REPS2: variants seen among roughly 807,000 people sequenced by gnomAD.
REPS2 encodes RALBP1 associated Eps domain containing 2.
A neutral mutation model predicts 53.6 loss-of-function variants in REPS2; 23 were observed. That is an observed-to-expected ratio of 0.43 (90% CI 0.31 to 0.61). The LOEUF (loss-of-function observed/expected upper bound fraction) is 0.61, where lower values mean the gene tolerates loss of function less well. Among genes scored for constraint, REPS2 ranks in the 20% least tolerant of loss-of-function variants. The pLI, the probability that REPS2 is intolerant of heterozygous loss-of-function variation, is 0.11. For synonymous variants in REPS2, 238 were observed against 218.6 expected, an observed-to-expected ratio of 1.09 and a Z score of -0.78; for missense variants, 446 against 534.9, an observed-to-expected ratio of 0.83 and a Z score of 1.64.
intron 1 of REPS2, among the ~76,000 whole-genome samples, chrX:16,949,730 ATTTT>A (rs368437089): frequency 9.6e-6 from 1 of 104,442 alleles, no homozygotes; most frequent in African/African-American, 3.5e-5. Context: ...TTAATAGACT[ATTTT>A]TTTTTTTCAG....
At chrX:17,063,962 G>A (rs867176524) in intron 9 of REPS2, among the ~76,000 whole-genome samples, 11 of 108,101 alleles carry the variant, frequency 1.0e-4, no homozygotes, top group Middle Eastern at 4.9e-3. Flanking sequence ...AGTCTCTCTC[G>A]CTTGCTCTTT....
chrX:17,168,074 T>C, the REPS2 span, among the ~76,000 whole-genome samples: 5 of 112,047 alleles, frequency 4.5e-5, no homozygotes, highest in Non-Finnish European at 7.5e-5. Context: ...CCAGGCAAAC[T>C]TGGAGTCATG....
chrX:17,027,659 GTTTTTTTTTTTTTT>G lies in REPS2; in HGVS notation c.674-1857_674-1844del, dbSNP rs761592588. ...AACTTCAGAGTGATGAAATCTTTAG[GTTTTTTTTTTTTTT>G]TTTTTTTTTGTACACCTCCCCTTGG... On this transcript the variant is annotated intron_variant, in intron 4 of 17. Coordinates refer to ENST00000357277, the MANE Select transcript of REPS2 (RefSeq NM_004726.3). 2.7e-3 allele frequency among the ~76,000 whole-genome samples: 183 copies of G among 67,281 alleles called. 5 individuals are homozygous for G. The highest frequency in any genetic ancestry group is 5.5e-3 in the South Asian group (7 of 1,278). 58.4% of individuals were successfully genotyped at this position (67,281 alleles called of 115,157 possible). A position where few individuals can be genotyped will look rare whatever the true frequency, so the allele number is the denominator to read the frequency against.
chrX:17,181,627 G>A, the REPS2 span, among the ~76,000 whole-genome samples: 1 of 112,249 alleles, frequency 8.9e-6, no homozygotes, highest in Non-Finnish European at 1.9e-5. Flanking sequence ...AATTCAAATT[G>A]CCATCTATAG....
At chrX:17,192,085 C>A in the REPS2 span, among the ~76,000 whole-genome samples, 1 of 112,394 alleles carries the variant, frequency 8.9e-6, no homozygotes, top group Non-Finnish European at 1.9e-5. Context: ...GCTTGGTACA[C>A]CTGCTAATTT....
intron 14 of REPS2, among the ~76,000 whole-genome samples, chrX:17,117,389 G>A (rs1472926571): frequency 2.7e-5 from 3 of 110,521 alleles, no homozygotes; most frequent in South Asian, 7.8e-4. Context: ...TCGTCATTTA[G>A]CATTAGGTAT....
intron 1 of REPS2, among the ~76,000 whole-genome samples, chrX:16,957,181 G>A (rs948810864): frequency 3.6e-5 from 4 of 111,285 alleles, no homozygotes; most frequent in African/African-American, 1.3e-4. Flanking sequence ...AGGTTGAGGC[G>A]GGCGGATCAC....
chrX:17,048,935 G>A (rs1172371819), intron 6 of REPS2, among the ~76,000 whole-genome samples: 1 of 111,004 alleles, frequency 9.0e-6, no homozygotes, highest in African/African-American at 3.3e-5. Flanking sequence ...TTGCTCTGTC[G>A]CCCAGGCTGG....
the REPS2 span, among the ~76,000 whole-genome samples, chrX:17,165,987 C>A: frequency 4.5e-5 from 5 of 111,936 alleles, no homozygotes; most frequent in African/African-American, 6.5e-5. Flanking sequence ...GCTGTGGCTT[C>A]TTCTAATGCT....
At chrX:17,006,764 T>G (rs1308573276) in intron 2 of REPS2, among the ~76,000 whole-genome samples, 3 of 111,838 alleles carry the variant, frequency 2.7e-5, no homozygotes, top group African/African-American at 9.8e-5. Flanking sequence ...GTGCTCAGCC[T>G]TTAATTCTTA....
intron 4 of REPS2, among the ~76,000 whole-genome samples, chrX:17,029,201 G>T (rs2061679913): frequency 9.0e-6 from 1 of 111,662 alleles, no homozygotes; most frequent in African/African-American, 3.3e-5. Context: ...CTCATATTTA[G>T]AATTTGAACA....
chrX:17,190,497 C>T, the REPS2 span, among the ~76,000 whole-genome samples: 1 of 112,087 alleles, frequency 8.9e-6, no homozygotes, highest in Non-Finnish European at 1.9e-5. Context: ...GGAACACATA[C>T]CATGTTCATC....
chrX:17,185,742 C>G, the REPS2 span, among the ~76,000 whole-genome samples: 1 of 111,664 alleles, frequency 9.0e-6, no homozygotes, highest in African/African-American at 3.3e-5. Context: ...AAGAGTGAGG[C>G]TGAAAATCTG....
At chrX:16,957,255 C>T (rs901447562) in intron 1 of REPS2, among the ~76,000 whole-genome samples, 2 of 110,487 alleles carry the variant, frequency 1.8e-5, no homozygotes, top group African/African-American at 6.6e-5. Flanking sequence ...ACAAAAAATA[C>T]AAAAATCAGC....
intron 2 of REPS2, among the ~76,000 whole-genome samples, chrX:17,014,289 A>C (rs1313572440): frequency 9.0e-6 from 1 of 111,717 alleles, no homozygotes; most frequent in African/African-American, 3.3e-5. Flanking sequence ...AGCAGAGCCC[A>C]GTGGATTGTG....
chrX:17,016,347 T>A lies in REPS2; in HGVS notation c.398-5776T>A, dbSNP rs113806934. 5.0e-3 allele frequency among the ~76,000 whole-genome samples: 566 copies of A among 112,600 alleles called. 3 individuals are homozygous for A. Among genetic ancestry groups the A allele is most frequent in the African/African-American group, 0.017 (542 of 31,038 alleles). On this transcript the variant is annotated intron_variant, in intron 2 of 17. Transcript: ENST00000357277. ...CCATGGACAGCATGTAATCAGAGGA[T>A]CATGGCTGTGTGCTAATAAAACTTT...
chrX:17,002,699 C>T (rs753259046), intron 1 of REPS2, among the ~76,000 whole-genome samples: 1 of 111,928 alleles, frequency 8.9e-6, no homozygotes, highest in Non-Finnish European at 1.9e-5. Context: ...GGAGGGTTGA[C>T]ACCTCCTGGG....
rs1449114815 is a variant in REPS2, at chrX:17,149,821, T to G, written c.*2340T>G. ...ATATTGACATGCTTTTCCCCTCCCC[T>G]CCATGAAGTCAGTGCCAGAGTGAGC... On this transcript the variant is annotated 3_prime_UTR_variant, in exon 18 of 18. Coordinates refer to ENST00000357277, the MANE Select transcript of REPS2 (RefSeq NM_004726.3). The G allele has an allele frequency of 8.9e-6, 1 of 111,868 alleles. No homozygotes were observed. Among genetic ancestry groups the G allele is most frequent in the African/African-American group, 3.3e-5 (1 of 30,768 alleles). 9.2% of individuals were successfully genotyped at this position (111,868 alleles called of 1,213,427 possible).
chrX:17,068,083 G>A (rs1309104845), intron 9 of REPS2, among the ~76,000 whole-genome samples: 2 of 111,569 alleles, frequency 1.8e-5, no homozygotes, highest in Admixed American at 1.9e-4. Context: ...GGAGGCTGAG[G>A]CGGGTGGATC....
Sources: gnomAD v4.1 joint callset for allele counts (sites outside exome capture counted in the v4.1 genomes callset) on GRCh38, gnomAD v4.1.1 for gene constraint, MANE v1.5 for transcripts, NCBI Gene and HGNC (gene_info 2026-07-23, HGNC 2026-07-21) for gene names.